Variants in SETX observed in about 807,000 individuals in gnomAD.
The protein encoded by SETX is senataxin, also known as helicase senataxin.
Under a neutral mutation model 227.2 loss-of-function variants are expected in SETX, and 90 were observed. The observed-to-expected ratio is 0.40, with a 90% CI of 0.33 to 0.47. The LOEUF is 0.47. SETX is among the 20% of genes least tolerant of loss of function. The pLI, the probability that SETX is intolerant of heterozygous loss-of-function variation, is 0.91. For missense variants in SETX, 3,052 were observed against 3,181.5 expected (o/e 0.96, Z 0.98); for synonymous variants, 1,210 against 1,113.2 (o/e 1.09, Z -1.73).
At chr9:132,269,117 A>T (rs1183904086) in intron 25 of SETX, among the ~76,000 whole-genome samples, 1 of 152,244 alleles carries the variant, frequency 6.6e-6, no homozygotes, top group African/African-American at 2.4e-5. Flanking sequence ...GAAGTTGGAA[A>T]CTCGTACACC....
upstream of SETX, among the ~76,000 whole-genome samples, chr9:132,355,864 G>C (rs1848883926): frequency 6.6e-6 from 1 of 151,908 alleles, no homozygotes; most frequent in African/African-American, 2.4e-5. Context: ...GCGGGTGCCT[G>C]TAATCCCAGC....
intron 2 of SETX, among the ~76,000 whole-genome samples, chr9:132,351,564 A>G (rs879515172): frequency 1.3e-5 from 2 of 152,218 alleles, no homozygotes; most frequent in African/African-American, 2.4e-5. Context: ...GCTAGAAGAT[A>G]ACGGAGAATA....
intron 3 of SETX, 151 bp downstream of exon 3, chr9:132,349,101 A>G: frequency 2.6e-6 from 2 of 767,902 alleles, no homozygotes; most frequent in South Asian, 3.3e-5. Context: ...CTCCATCTCT[A>G]ACAACAACAA....
chr9:132,274,534 T>C (rs1407158331), intron 23 of SETX, among the ~76,000 whole-genome samples: 1 of 151,342 alleles, frequency 6.6e-6, no homozygotes, highest in Non-Finnish European at 1.5e-5. Context: ...CTCCGCCTCC[T>C]GGGTTCAAGC....
intron 10 of SETX, among the ~76,000 whole-genome samples, chr9:132,315,659 G>A (rs1845923397): frequency 6.6e-6 from 1 of 152,038 alleles, no homozygotes; most frequent in Admixed American, 6.6e-5. Flanking sequence ...TCACTTCTTT[G>A]TACATCTGGT....
chr9:132,285,571 C>A (rs939786166), intron 18 of SETX, among the ~76,000 whole-genome samples: 15 of 151,262 alleles, frequency 9.9e-5, no homozygotes, highest in Non-Finnish European at 1.5e-4. Context: ...CATGGTGAAA[C>A]CCCATCTCTA....
rs759422321 is a variant in SETX at position 132,264,848 on chromosome 9, G to A, written c.7425C>T (p.His2475=). Residue 2475 remains histidine (H), a synonymous_variant, in exon 26 of 26, where the codon CAC becomes CAT. Transcript: ENST00000224140. ...LKPVLQRSLT[H]PPTIAPEGSR... ...ACCCCTCTGGGGCTATGGTAGGAGG[G>A]TGAGTGAGACTTCTCTGCAGCACAG... 1 of 1,614,184 alleles carries A rather than the reference G, an allele frequency of 6.2e-7. No homozygotes were observed. The highest frequency in any genetic ancestry group is 8.5e-7 in the Non-Finnish European group (1 of 1,180,042).
intron 21 of SETX, among the ~76,000 whole-genome samples, 196 bp downstream of exon 21, chr9:132,277,874 T>C (rs902795100): frequency 9.2e-5 from 14 of 151,504 alleles, no homozygotes; most frequent in African/African-American, 3.2e-4. Context: ...AGTATAAATA[T>C]AGGTGACTTT....
At chr9:132,290,731 T>A (rs1247031073) in intron 15 of SETX, among the ~76,000 whole-genome samples, 4 of 151,806 alleles carry the variant, frequency 2.6e-5, no homozygotes, top group Admixed American at 1.3e-4. Flanking sequence ...TCCACCTCTA[T>A]CAAAATTGAC....
chr9:132,345,569 C>T (rs1007899066), intron 4 of SETX, among the ~76,000 whole-genome samples: 1 of 151,876 alleles, frequency 6.6e-6, no homozygotes, highest in Non-Finnish European at 1.5e-5. Context: ...CCACCATGCC[C>T]GGCGAGAATG....
intron 5 of SETX, among the ~76,000 whole-genome samples, chr9:132,341,719 C>G (rs1431515774): frequency 6.6e-6 from 1 of 152,210 alleles, no homozygotes; most frequent in Admixed American, 6.5e-5. Context: ...GGCAAAGAAG[C>G]ACCCCCATCC....
chr9:132,309,809 G>T (rs1382508073), intron 11 of SETX, among the ~76,000 whole-genome samples: 1 of 152,158 alleles, frequency 6.6e-6, no homozygotes, highest in East Asian at 1.9e-4. Context: ...GAGAGATCCT[G>T]ATCCATGGGT....
At chr9:132,316,097 C>G (rs1845948428) in intron 10 of SETX, among the ~76,000 whole-genome samples, 1 of 152,176 alleles carries the variant, frequency 6.6e-6, no homozygotes, top group South Asian at 2.1e-4. Context: ...AAATGACATC[C>G]TAAGACATAG....
rs146512796 is a variant in SETX, at chr9:132,330,258, G to A, written c.1340C>T (p.Thr447Ile). Reference protein sequence around the residue: ...YSEVKEVLNQTDAVCDKVTEF... With the variant: ...YSEVKEVLNQIDAVCDKVTEF... ...AGTGACTTTGTCACACACAGCATCT[G>A]TTTGGTTGAGGACTTCTTTGACTTC... The change falls in exon 10 of 26, where the codon ACA becomes ATA. Residue 447 changes from threonine (T) to isoleucine (I), a missense_variant. By Grantham distance (89) the Thr-to-Ile change is moderately conservative. Around this residue, in one of 10 missense-constraint regions of SETX, gnomAD observed 179 missense variants for 197.1 expected, o/e 0.91. Transcript: ENST00000224140. The A allele has an allele frequency of 6.3e-6, 10 of 1,580,532 alleles. No homozygotes were observed. In the African/African-American group the frequency reaches 8.1e-5, roughly 13 times the overall value.
chr9:132,336,691 G>A (rs1419251044), intron 5 of SETX, among the ~76,000 whole-genome samples, 176 bp from the exon 6 acceptor site: 1 of 152,138 alleles, frequency 6.6e-6, no homozygotes, highest in East Asian at 1.9e-4. Flanking sequence ...CTAATAAACA[G>A]TTTTAGACAA....
intron 11 of SETX, among the ~76,000 whole-genome samples, chr9:132,301,494 G>A (rs970090338): frequency 6.6e-6 from 1 of 152,020 alleles, no homozygotes; most frequent in East Asian, 1.9e-4. Context: ...ATGATGTTGT[G>A]GTCAGTGATG....
rs543635467 is a variant in SETX at position 132,326,233 on chromosome 9, A to G, written c.5274+91T>C. On this transcript the variant is annotated intron_variant, in intron 10 of 25. Transcript: ENST00000224140. ...AGGTGCCCGCAACCACGCCTGGCTG[A>G]TTTTTTGAACTATACTCTCATTTTC... is the stretch of plus-strand genomic sequence containing the variant. 1.4e-4 allele frequency: 144 copies of G among 1,063,754 alleles called. No individual in the cohort carries two copies. The African/African-American group carries it at 2.1e-3, about 16-fold the overall frequency. 65.9% of individuals were successfully genotyped at this position (1,063,754 alleles called of 1,614,324 possible).
intron 10 of SETX, among the ~76,000 whole-genome samples, chr9:132,319,586 T>G (rs1220251894): frequency 6.6e-6 from 1 of 152,196 alleles, no homozygotes; most frequent in African/African-American, 2.4e-5. Context: ...CTCATGGCAT[T>G]ACATTCTTGA....
chr9:132,316,132 T>C (rs772258597), intron 10 of SETX, among the ~76,000 whole-genome samples: 5 of 152,230 alleles, frequency 3.3e-5, no homozygotes, highest in Non-Finnish European at 7.3e-5. Flanking sequence ...GGCGTGTATA[T>C]GTTCTTCTGA....
Sources: allele counts gnomAD v4.1 joint callset (sites outside exome capture counted in the v4.1 genomes callset), GRCh38; gene constraint gnomAD v4.1.1; regional missense constraint gnomAD v4.1.1; transcripts MANE v1.5; gene names NCBI Gene and HGNC (gene_info 2026-07-23, HGNC 2026-07-21).